The following MEI4 variants were observed in gnomAD, a reference collection of about 807,000 sequenced individuals.
MEI4 encodes meiotic double-stranded break formation protein 4.
MEI4 carries 27 observed loss-of-function variants against 31.4 expected under a neutral mutation model. The ratio of observed to expected loss-of-function variants is 0.86; its 90% CI spans 0.63 to 1.19. MEI4 has a LOEUF of 1.19. MEI4 is among the 50% of genes most tolerant of loss of function. The probability of loss-of-function intolerance (pLI) is 0.00; values close to 1 mark genes in which losing one functional copy is unlikely to be tolerated. For missense variants in MEI4, 329 were observed against 398.9 expected (o/e 0.82, Z 1.49); for synonymous variants, 122 against 145.4 (o/e 0.84, Z 1.16).
chr6:77,766,514 C>T lies in MEI4; in HGVS notation c.768+4849C>T, dbSNP rs569020326. Reference sequence around the variant, plus strand: ...CTGCAAGCTCTGCCTCCTGGGTTCACGCCATTCTCCTGCCTCAGCCTTCTG... The same window carrying T: ...CTGCAAGCTCTGCCTCCTGGGTTCATGCCATTCTCCTGCCTCAGCCTTCTG... On this transcript the variant is annotated intron_variant, in intron 3 of 4. Transcript: ENST00000684080. Among the ~76,000 whole-genome samples the T allele has an allele frequency of 3.3e-5, 5 of 152,166 alleles. No individual in the cohort carries two copies. The East Asian group carries it at 5.8e-4, about 18-fold the overall frequency.
At chr6:77,733,400 C>G (rs1288011515) in intron 2 of MEI4, among the ~76,000 whole-genome samples, 1 of 152,010 alleles carries the variant, frequency 6.6e-6, no homozygotes, top group Admixed American at 6.5e-5. Context: ...TCTAGATTTT[C>G]TGGTTTATTT....
chr6:77,660,048 T>G (rs1242590841), intron 1 of MEI4, among the ~76,000 whole-genome samples: 3 of 152,064 alleles, frequency 2.0e-5, no homozygotes, highest in Non-Finnish European at 4.4e-5. Context: ...AGTAAATGAG[T>G]TCTTCAGAGG....
At chr6:77,887,202 T>G (rs182180795) in intron 4 of MEI4, among the ~76,000 whole-genome samples, 3 of 152,128 alleles carry the variant, frequency 2.0e-5, no homozygotes, top group Admixed American at 1.3e-4. Context: ...TCCTTCTTAA[T>G]TTTTTCATTG....
At chr6:77,877,364 A>T (rs1264602367) in intron 4 of MEI4, among the ~76,000 whole-genome samples, 1 of 151,998 alleles carries the variant, frequency 6.6e-6, no homozygotes, top group East Asian at 1.9e-4. Flanking sequence ...GTTGAAACAT[A>T]TGTCATTGCT....
chr6:77,923,019 A>ATCTT, intron 4 of MEI4, 70 bp from the exon 5 acceptor site: 1 of 956,524 alleles, frequency 1.0e-6, no homozygotes, highest in Non-Finnish European at 1.4e-6. Context: ...AAACTCTGAT[A>ATCTT]TCTTTATATG....
chr6:77,776,107 T>C (rs1240535114), intron 3 of MEI4, among the ~76,000 whole-genome samples: 1 of 152,128 alleles, frequency 6.6e-6, no homozygotes, highest in Non-Finnish European at 1.5e-5. Context: ...ATGTATAGAT[T>C]GCAAGGATTT....
chr6:77,783,007 C>A (rs770286184), intron 3 of MEI4, among the ~76,000 whole-genome samples: 14 of 150,152 alleles, frequency 9.3e-5, no homozygotes, highest in Non-Finnish European at 1.8e-4. Context: ...TTGGTTTTTT[C>A]CACTGTTTAT....
At position 77,812,881 on chromosome 6, in the gene MEI4, T is replaced by C. The variant is rs530945636; in HGVS notation, c.769-16050T>C. 8.5e-4 allele frequency among the ~76,000 whole-genome samples: 129 copies of C among 152,010 alleles called. 1 individual carries two copies. The highest frequency in any genetic ancestry group is 2.9e-3 in the African/African-American group (122 of 41,496). ...CCCCTTTGACAGAGGTGTAGAAGTATCTCCAAAGGGGAAAATTAGGGAAAG... is the reference window on the plus strand; with the variant it reads ...CCCCTTTGACAGAGGTGTAGAAGTACCTCCAAAGGGGAAAATTAGGGAAAG... On this transcript the variant is annotated intron_variant, in intron 3 of 4. Coordinates refer to ENST00000684080, the MANE Select transcript of MEI4 (RefSeq NM_001322247.2).
chr6:77,703,469 A>G (rs984468791), intron 2 of MEI4, among the ~76,000 whole-genome samples: 3 of 152,292 alleles, frequency 2.0e-5, no homozygotes, highest in Non-Finnish European at 2.9e-5. Context: ...GTACTTTTGC[A>G]TTCCTAGGTC....
intron 2 of MEI4, among the ~76,000 whole-genome samples, chr6:77,696,661 G>GT (rs1313610073): frequency 6.6e-6 from 1 of 151,474 alleles, no homozygotes; most frequent in African/African-American, 2.4e-5. Flanking sequence ...GCTGGATTTG[G>GT]TTTGCCAGTA....
At chr6:77,871,164 T>A (rs1318112530) in intron 4 of MEI4, among the ~76,000 whole-genome samples, 1 of 152,150 alleles carries the variant, frequency 6.6e-6, no homozygotes, top group East Asian at 1.9e-4. Flanking sequence ...GCAGTCCATC[T>A]TTTTTATAAA....
intron 2 of MEI4, among the ~76,000 whole-genome samples, chr6:77,738,800 G>T (rs141961433): frequency 0.058 from 8,830 of 152,278 alleles, 362 homozygotes; most frequent in East Asian, 0.13. Context: ...GTGTGAGATG[G>T]TAGCTCATTG....
Position 77,820,560 on chromosome 6 carries a change from C to T in MEI4, c.769-8371C>T, listed in dbSNP as rs1769798629. On this transcript the variant is annotated intron_variant, in intron 3 of 4. Transcript: ENST00000684080. This position sits in a 1 kb window ranked among gnomAD's most constrained non-coding sequence, Gnocchi z 4.5. ...GGATTACAGTCATGAGCCACTGTGC[C>T]CGGCCGGTTTTCTTTTTTAAATCCC... Among the ~76,000 whole-genome samples, 1 of 152,146 alleles carries T rather than the reference C, an allele frequency of 6.6e-6. No individual in the cohort carries two copies. The highest frequency in any genetic ancestry group is 2.4e-5 in the African/African-American group (1 of 41,430).
chr6:77,876,163 T>C (rs1771332045), intron 4 of MEI4, among the ~76,000 whole-genome samples: 2 of 152,208 alleles, frequency 1.3e-5, no homozygotes, highest in African/African-American at 4.8e-5. Flanking sequence ...TAGATTTTCA[T>C]ATCTATATGA....
intron 2 of MEI4, among the ~76,000 whole-genome samples, chr6:77,747,614 G>A (rs1348874007): frequency 2.6e-5 from 4 of 152,036 alleles, no homozygotes; most frequent in Admixed American, 2.6e-4. Context: ...TTGATACATG[G>A]GGATTACAGT....
intron 3 of MEI4, among the ~76,000 whole-genome samples, chr6:77,807,078 T>G (rs1441702181): frequency 1.3e-5 from 2 of 152,134 alleles, no homozygotes; most frequent in Admixed American, 6.6e-5. Flanking sequence ...AAAACTAGCT[T>G]TGGCAGCCCT....
At chr6:77,687,883 CA>C (rs1276286343) in intron 1 of MEI4, among the ~76,000 whole-genome samples, 6 of 151,962 alleles carry the variant, frequency 3.9e-5, no homozygotes, top group Admixed American at 3.3e-4. Flanking sequence ...GAGATTTCAT[CA>C]AAAAAGCATG....
intron 2 of MEI4, among the ~76,000 whole-genome samples, chr6:77,704,062 T>C (rs1324611466): frequency 4.6e-5 from 7 of 152,184 alleles, no homozygotes; most frequent in Non-Finnish European, 1.0e-4. Flanking sequence ...GCTCAGGTTC[T>C]TTAATGTAGA....
chr6:77,787,357 G>C (rs764313062), intron 3 of MEI4, among the ~76,000 whole-genome samples: 1 of 152,084 alleles, frequency 6.6e-6, no homozygotes, highest in Admixed American at 6.6e-5. Flanking sequence ...AATGACCAAG[G>C]TTCTGAAGCC....
Sources: gnomAD v4.1 joint callset for allele counts (sites outside exome capture counted in the v4.1 genomes callset) on GRCh38, gnomAD v4.1.1 for gene constraint, Gnocchi (gnomAD v3.1) non-coding constraint, MANE v1.5 for transcripts, NCBI Gene and HGNC (gene_info 2026-07-23, HGNC 2026-07-21) for gene names.